Variants in PHIP observed in about 807,000 individuals in gnomAD.
PHIP encodes PH-interacting protein.
In PHIP, 54 loss-of-function variants were observed where a neutral mutation model predicts 236.8. That is an observed-to-expected ratio of 0.23 (90% confidence interval 0.18 to 0.29). PHIP has a LOEUF of 0.29. Among genes scored for constraint, PHIP ranks in the 10% least tolerant of loss-of-function variants. The probability of loss-of-function intolerance (pLI) is 1.00; values close to 1 mark genes in which losing one functional copy is unlikely to be tolerated. For synonymous variants in PHIP, 756 were observed against 718.9 expected (o/e 1.05, Z -0.83); for missense variants, 1,370 against 2,190.8 (o/e 0.63, Z 7.48).
chr6:79,026,235 T>A, intron 7 of PHIP, 71 bp from the exon 8 acceptor site: 1 of 1,061,516 alleles, frequency 9.4e-7, no homozygotes, highest in Non-Finnish European at 1.4e-6. Flanking sequence ...CACTGATAAA[T>A]CTACCTGTTC....
chr6:78,936,348 A>G lies in PHIP; in HGVS notation c.*4345T>C, dbSNP rs1281994830. 2 of 151,906 alleles carry G rather than the reference A, an allele frequency of 1.3e-5. No individual in the cohort carries two copies. The highest frequency in any genetic ancestry group is 1.9e-4 in the East Asian group (1 of 5,200). The allele number at this position is 151,906 out of a possible 1,614,324, so 9.4% of individuals were successfully genotyped here. A position where few individuals can be genotyped will look rare whatever the true frequency, so the allele number is the denominator to read the frequency against. On this transcript the variant is annotated 3_prime_UTR_variant, in exon 40 of 40. Transcript: ENST00000275034. ...TCCTGTGACAGGATTTAAGTTTTCT[A>G]AAAGATCTTCAGTAAGACCCCTGTC... is the stretch of plus-strand genomic sequence containing the variant.
chr6:78,957,516 A>C (rs1427645503), intron 32 of PHIP: 1 of 151,788 alleles, frequency 6.6e-6, no homozygotes, highest in Non-Finnish European at 1.5e-5. Context: ...CAGTTAAAAC[A>C]CATTAATCAA....
At chr6:79,072,481 A>AT (rs66481367) in intron 4 of PHIP, among the ~76,000 whole-genome samples, 75,182 of 150,484 alleles carry the variant, frequency 0.5, 19,174 homozygotes, top group East Asian at 0.7. Context: ...TCTTCCGAAG[A>AT]TTTTTTTTTT....
chr6:79,024,762 G>A (rs1333530915), intron 9 of PHIP, among the ~76,000 whole-genome samples: 2 of 152,084 alleles, frequency 1.3e-5, no homozygotes, highest in East Asian at 1.9e-4. Context: ...CTGAGATCGC[G>A]ACACTGCAAT....
intron 8 of PHIP, 36 bp from the exon 9 acceptor site, chr6:79,025,655 G>A (rs764811922): frequency 6.3e-6 from 8 of 1,263,072 alleles, no homozygotes; most frequent in Admixed American, 1.9e-5. Context: ...ATCTTTACAA[G>A]AGTGACACAG....
At chr6:78,997,391 T>G in intron 19 of PHIP, 23 bp downstream of exon 19, 1 of 1,608,676 alleles carries the variant, frequency 6.2e-7, no homozygotes, top group Non-Finnish European at 8.5e-7. Flanking sequence ...CTATGGTACA[T>G]AAAAATTCAC....
intron 35 of PHIP, 126 bp from the exon 36 acceptor site, chr6:78,947,901 TC>T (rs1412670200): frequency 3.7e-6 from 2 of 536,422 alleles, no homozygotes; most frequent in Non-Finnish European, 6.5e-6. Flanking sequence ...TCACTCCTGT[TC>T]CCCTTATCAA....
chr6:79,003,784 G>A lies in PHIP; in HGVS notation c.1599C>T (p.Asp533=). Reference sequence around the variant, plus strand: ...CAAAAATTAAAAGATGTCCATGAGAGTCTGTGCATGCAAAATGCTGACCAT... The same window carrying A: ...CAAAAATTAAAAGATGTCCATGAGAATCTGTGCATGCAAAATGCTGACCAT... ...SPDGQHFACT[D]SHGHLLIFGF... is the part of the protein sequence containing the mutation. The change falls in exon 16 of 40, where the codon GAC becomes GAT. Residue 533 remains aspartate (D), a synonymous_variant. Transcript: ENST00000275034. The A allele has an allele frequency of 6.2e-7, 1 of 1,610,990 alleles. No individual in the cohort carries two copies. The highest frequency in any genetic ancestry group is 8.5e-7 in the Non-Finnish European group (1 of 1,178,078).
chr6:79,026,507 A>G (rs780927462), intron 7 of PHIP, among the ~76,000 whole-genome samples: 24 of 152,128 alleles, frequency 1.6e-4, no homozygotes, highest in African/African-American at 5.3e-4. Flanking sequence ...AATGCAAGCT[A>G]CAATGGTGAC....
At chr6:79,049,457 T>A (rs1772679326) in intron 6 of PHIP, among the ~76,000 whole-genome samples, 1 of 152,176 alleles carries the variant, frequency 6.6e-6, no homozygotes, top group African/African-American at 2.4e-5. Flanking sequence ...AATTATAATT[T>A]ATAATTAACA....
intron 9 of PHIP, among the ~76,000 whole-genome samples, chr6:79,021,861 C>A (rs1475942823): frequency 6.6e-6 from 1 of 151,948 alleles, no homozygotes; most frequent in Non-Finnish European, 1.5e-5. Flanking sequence ...TTTTAAATAA[C>A]TAAAGGAGTG....
intron 15 of PHIP, among the ~76,000 whole-genome samples, chr6:79,012,963 CACTA>C (rs1406045850): frequency 2.6e-5 from 4 of 151,850 alleles, no homozygotes; most frequent in African/African-American, 7.2e-5. Context: ...ATAGACATAT[CACTA>C]ACTGAGTATT....
At chr6:78,946,946 G>A (rs1211047100) in intron 36 of PHIP, 72 bp from the exon 37 acceptor site, 1 of 827,618 alleles carries the variant, frequency 1.2e-6, no homozygotes, top group Non-Finnish European at 1.9e-6. Context: ...ATACTGTAAT[G>A]TAAATATTTT....
At chr6:79,012,721 C>T (rs1770652843) in intron 15 of PHIP, among the ~76,000 whole-genome samples, 1 of 151,666 alleles carries the variant, frequency 6.6e-6, no homozygotes, top group South Asian at 2.1e-4. Flanking sequence ...AGTGAGAACG[C>T]AGGCCCTCCC....
chr6:78,993,624 C>T (rs1562161858), intron 19 of PHIP, among the ~76,000 whole-genome samples: 1 of 152,190 alleles, frequency 6.6e-6, no homozygotes, highest in South Asian at 2.1e-4. Flanking sequence ...GATGGCAGCA[C>T]ATCTATTTAT....
At position 78,970,772 on chromosome 6, in the gene PHIP, A is replaced by G. The variant is rs376453754; in HGVS notation, c.2997+9T>C. The G allele has an allele frequency of 2.1e-5, 32 of 1,529,494 alleles. No homozygotes were observed. Among genetic ancestry groups the G allele is most frequent in the African/African-American group, 1.1e-4 (8 of 72,376 alleles). 94.7% of individuals were successfully genotyped at this position (1,529,494 alleles called of 1,614,324 possible). On this transcript the variant is annotated intron_variant, in intron 25 of 39. Coordinates refer to ENST00000275034, the MANE Select transcript of PHIP (RefSeq NM_017934.7). ...TTTGGGGCTATTAAATAATAAATCA[A>G]TGTCATACCCGTAGCTCCATTTTAT...
intron 27 of PHIP, among the ~76,000 whole-genome samples, chr6:78,969,058 T>C (rs908261277): frequency 1.1e-4 from 16 of 152,212 alleles, no homozygotes; most frequent in African/African-American, 2.4e-4. Flanking sequence ...CCTTATTTGA[T>C]GAAACACATC....
At chr6:79,002,644 A>G (rs1770061899) in intron 16 of PHIP, among the ~76,000 whole-genome samples, 2 of 152,244 alleles carry the variant, frequency 1.3e-5, no homozygotes, top group East Asian at 1.9e-4. Context: ...TTAGACATCC[A>G]TTTGGAGTCA....
chr6:79,070,310 A>C (rs1773819814), intron 4 of PHIP, among the ~76,000 whole-genome samples: 1 of 152,214 alleles, frequency 6.6e-6, no homozygotes, highest in Non-Finnish European at 1.5e-5. Context: ...TAAGGACGAA[A>C]CATCCTTTAA....
Sources: gnomAD v4.1 joint callset for allele counts (sites outside exome capture counted in the v4.1 genomes callset) on GRCh38, gnomAD v4.1.1 for gene constraint, MANE v1.5 for transcripts, NCBI Gene and HGNC (gene_info 2026-07-23, HGNC 2026-07-21) for gene names.